Variants in ICA1L observed in about 807,000 individuals in gnomAD.
The protein encoded by ICA1L is islet cell autoantigen 1-like protein.
A neutral mutation model predicts 61.3 loss-of-function variants in ICA1L; 50 were observed. The observed-to-expected ratio is 0.82, with a 90% CI of 0.65 to 1.03. The LOEUF is 1.03. ICA1L is among the 50% of genes least tolerant of loss of function. ICA1L has a pLI of 0.00. For missense variants in ICA1L, 508 were observed against 556.7 expected, an observed-to-expected ratio of 0.91 and a Z score of 0.88; for synonymous variants, 161 against 191.3, an observed-to-expected ratio of 0.84 and a Z score of 1.31.
chr2:202,865,924 G>A (rs1687498683), intron 1 of ICA1L, among the ~76,000 whole-genome samples: 2 of 152,110 alleles, frequency 1.3e-5, no homozygotes, highest in Non-Finnish European at 2.9e-5. Context: ...ACCACACCCA[G>A]CCTAGAAAGT....
chr2:202,845,666 A>G (rs1402281957), intron 1 of ICA1L, among the ~76,000 whole-genome samples: 1 of 151,778 alleles, frequency 6.6e-6, no homozygotes. Flanking sequence ...TTTTTACACT[A>G]TACAGTATTT....
At chr2:202,863,467 T>G (rs1694975239) in intron 1 of ICA1L, among the ~76,000 whole-genome samples, 1 of 151,908 alleles carries the variant, frequency 6.6e-6, no homozygotes, top group Non-Finnish European at 1.5e-5. Context: ...AAAAAATTAT[T>G]AAATTTAAAA....
chr2:202,842,233 T>C lies in ICA1L; in HGVS notation c.-7-13217A>G, dbSNP rs11695716. ...CCACCATTATACTATTATTCTAAAT[T>C]TGTGTAATTGTACCAATGAGTTTTA... On this transcript the variant is annotated intron_variant, in intron 1 of 12. Transcript: ENST00000358299. Among the ~76,000 whole-genome samples, 641 of 152,336 alleles carry C rather than the reference T, an allele frequency of 4.2e-3. 1 individual carries two copies. The highest frequency in any genetic ancestry group is 6.5e-3 in the Non-Finnish European group (444 of 68,032).
chr2:202,805,449 A>G (rs1683131200), intron 9 of ICA1L, among the ~76,000 whole-genome samples: 1 of 152,106 alleles, frequency 6.6e-6, no homozygotes, highest in African/African-American at 2.4e-5. Context: ...AGAAAGAAAG[A>G]AAGATGGCTG....
intron 9 of ICA1L, among the ~76,000 whole-genome samples, chr2:202,801,110 G>A (rs1469673533): frequency 6.6e-6 from 1 of 152,186 alleles, no homozygotes; most frequent in African/African-American, 2.4e-5. Context: ...TTGTGGGGAA[G>A]GGAACAGGTA....
chr2:202,843,906 C>A (rs985545138), intron 1 of ICA1L, among the ~76,000 whole-genome samples: 1 of 152,216 alleles, frequency 6.6e-6, no homozygotes, highest in Non-Finnish European at 1.5e-5. Flanking sequence ...ACATTTCCAA[C>A]TTCCCAGAAA....
chr2:202,822,816 A>G (rs997545415), intron 3 of ICA1L, among the ~76,000 whole-genome samples: 4 of 152,188 alleles, frequency 2.6e-5, no homozygotes, highest in South Asian at 2.1e-4. Context: ...TGCCATGCCT[A>G]CAAGGGTGAC....
In ICA1L at chr2:202,807,850, T is replaced by C. The variant is rs573720427; in HGVS notation, c.910+3896A>G. ...TCCAAGCCCTAGCTCCCAGATCACA[T>C]TTTTAGACATACCCAGGGCCAGAAG... On this transcript the variant is annotated intron_variant, in intron 9 of 12. Transcript: ENST00000358299. Among the ~76,000 whole-genome samples the C allele has an allele frequency of 6.6e-5, 10 of 152,150 alleles. No homozygotes were observed. The South Asian group carries it at 2.1e-3, about 32-fold the overall frequency.
intron 8 of ICA1L, among the ~76,000 whole-genome samples, chr2:202,814,303 T>A (rs534697961): frequency 6.6e-6 from 1 of 152,150 alleles, no homozygotes; most frequent in Admixed American, 6.5e-5. Flanking sequence ...CTCACTCTCA[T>A]GAGATTGGAT....
intron 12 of ICA1L, among the ~76,000 whole-genome samples, chr2:202,785,093 C>T (rs1441896853): frequency 6.6e-6 from 1 of 151,640 alleles, no homozygotes; most frequent in African/African-American, 2.4e-5. Context: ...GTGGCATGTG[C>T]CTATAGTACC....
Position 202,847,695 on chromosome 2 carries a change from T to TTATATATATATATATATATA in ICA1L, c.-7-18680_-7-18679insTATATATATATATATATATA, listed in dbSNP as rs80134434. On this transcript the variant is annotated intron_variant, in intron 1 of 12. Transcript: ENST00000358299. ...CTTAGAATGAAATATTATATGGGAA[T>TTATATATATATATATATATA]TATATATATATATAGTTAAGCAGTG... 1.1e-3 allele frequency among the ~76,000 whole-genome samples: 116 copies of TTATATATATATATATATATA among 102,226 alleles called. 2 individuals are homozygous for TTATATATATATATATATATA. The highest frequency in any genetic ancestry group is 3.1e-3 in the African/African-American group (73 of 23,296). 67.1% of individuals were successfully genotyped at this position (102,226 alleles called of 152,430 possible).
At chr2:202,827,696 G>A (rs1693887315) in intron 2 of ICA1L, among the ~76,000 whole-genome samples, 1 of 151,984 alleles carries the variant, frequency 6.6e-6, no homozygotes, top group African/African-American at 2.4e-5. Flanking sequence ...TTCCTGTTGC[G>A]TTAAAACATA....
At chr2:202,863,753 G>T (rs528976534) in intron 1 of ICA1L, among the ~76,000 whole-genome samples, 10 of 151,526 alleles carry the variant, frequency 6.6e-5, no homozygotes, top group Non-Finnish European at 1.0e-4. Flanking sequence ...CATGAACCCG[G>T]GAGGCGGAGC....
chr2:202,781,110 G>GGTCT, intron 12 of ICA1L, among the ~76,000 whole-genome samples: 1 of 152,198 alleles, frequency 6.6e-6, no homozygotes, highest in South Asian at 2.1e-4. Context: ...GGGAAATAAA[G>GGTCT]GTCTGTCCGT....
At chr2:202,853,772 A>G (rs1449850275) in intron 1 of ICA1L, among the ~76,000 whole-genome samples, 1 of 152,216 alleles carries the variant, frequency 6.6e-6, no homozygotes, top group East Asian at 1.9e-4. Context: ...TCAACCCAGA[A>G]TTTCATATCC....
intron 12 of ICA1L, among the ~76,000 whole-genome samples, chr2:202,780,515 G>A (rs1178056464): frequency 6.6e-6 from 1 of 152,216 alleles, no homozygotes; most frequent in African/African-American, 2.4e-5. Flanking sequence ...GGCACAGACA[G>A]TGGGTCATCT....
chr2:202,825,436 C>T, intron 3 of ICA1L: 2 of 893,594 alleles, frequency 2.2e-6, no homozygotes, highest in Non-Finnish European at 2.9e-6. Context: ...CACCACTGCA[C>T]TCCAACCTGA....
chr2:202,831,354 AACTT>A (rs1262030158), intron 1 of ICA1L, among the ~76,000 whole-genome samples: 1 of 152,166 alleles, frequency 6.6e-6, no homozygotes, highest in East Asian at 1.9e-4. Context: ...TCTTGAGAGA[AACTT>A]AGTTTTTCTT....
intron 9 of ICA1L, among the ~76,000 whole-genome samples, chr2:202,806,701 A>G (rs1413866686): frequency 6.6e-6 from 1 of 151,930 alleles, no homozygotes; most frequent in Admixed American, 6.6e-5. Flanking sequence ...TCTTTTATTT[A>G]TTGGTCACCT....
Sources: gnomAD v4.1 joint callset for allele counts (sites outside exome capture counted in the v4.1 genomes callset) on GRCh38, gnomAD v4.1.1 for gene constraint, MANE v1.5 for transcripts, NCBI Gene and HGNC (gene_info 2026-07-23, HGNC 2026-07-21) for gene names.